The following KCTD16 variants were observed in gnomAD, a reference collection of about 807,000 sequenced individuals.
The protein encoded by KCTD16 is BTB/POZ domain-containing protein KCTD16.
A neutral mutation model predicts 33.2 loss-of-function variants in KCTD16; 13 were observed. The observed-to-expected ratio is 0.39, with a 90% CI of 0.25 to 0.62. The LOEUF is 0.62. Ranked by LOEUF, KCTD16 falls within the 20% of genes least tolerant of loss-of-function variation. The pLI is 0.50. For missense variants in KCTD16, 441 were observed against 525.1 expected, an observed-to-expected ratio of 0.84 and a Z score of 1.57; for synonymous variants, 197 against 195.3, an observed-to-expected ratio of 1.01 and a Z score of -0.07.
At chr5:144,224,208 C>T (rs1753853805) in intron 3 of KCTD16, among the ~76,000 whole-genome samples, 1 of 151,982 alleles carries the variant, frequency 6.6e-6, no homozygotes, top group African/African-American at 2.4e-5. Context: ...ATCCACTTTA[C>T]ATTTTTTTTT....
At chr5:144,231,889 T>A (rs1190104637) in intron 3 of KCTD16, among the ~76,000 whole-genome samples, 1 of 152,172 alleles carries the variant, frequency 6.6e-6, no homozygotes, top group African/African-American at 2.4e-5. Flanking sequence ...CTCAGATATA[T>A]CTTTATTAGC....
intron 3 of KCTD16, among the ~76,000 whole-genome samples, chr5:144,248,491 T>C (rs1754609909): frequency 6.6e-6 from 1 of 152,178 alleles, no homozygotes; most frequent in Non-Finnish European, 1.5e-5. Context: ...ATTTTGTCTC[T>C]AAGATGGGAG....
intron 3 of KCTD16, among the ~76,000 whole-genome samples, chr5:144,445,253 C>T (rs1446552463): frequency 1.3e-5 from 2 of 151,698 alleles, no homozygotes; most frequent in Non-Finnish European, 2.9e-5. Flanking sequence ...ATTATTTATC[C>T]TTTTACTTAT....
At chr5:144,250,625 A>G (rs1043073571) in intron 3 of KCTD16, among the ~76,000 whole-genome samples, 4 of 152,202 alleles carry the variant, frequency 2.6e-5, no homozygotes, top group Non-Finnish European at 5.9e-5. Context: ...GATTTAGAAT[A>G]GATGCAGCCT....
intron 3 of KCTD16, among the ~76,000 whole-genome samples, chr5:144,451,874 A>G (rs1753950479): frequency 6.6e-6 from 1 of 152,112 alleles, no homozygotes; most frequent in African/African-American, 2.4e-5. Flanking sequence ...ATCCTAATTC[A>G]TTAACTGTAA....
intron 3 of KCTD16, among the ~76,000 whole-genome samples, chr5:144,267,576 A>AT (rs1253522060): frequency 6.6e-6 from 1 of 151,938 alleles, no homozygotes; most frequent in African/African-American, 2.4e-5. Flanking sequence ...GGCTTTATCC[A>AT]TTTTTTTCTG....
At chr5:144,249,783 C>T (rs1754645425) in intron 3 of KCTD16, among the ~76,000 whole-genome samples, 1 of 152,144 alleles carries the variant, frequency 6.6e-6, no homozygotes, top group African/African-American at 2.4e-5. Flanking sequence ...AGATAACTTT[C>T]TCAAGGTTAC....
intron 3 of KCTD16, among the ~76,000 whole-genome samples, chr5:144,266,467 A>T (rs2074297465): frequency 6.6e-6 from 1 of 152,234 alleles, no homozygotes. Flanking sequence ...TTTGTTCACC[A>T]GAATTTGCAG....
chr5:144,424,260 G>A (rs896965966), intron 3 of KCTD16, among the ~76,000 whole-genome samples: 4 of 152,128 alleles, frequency 2.6e-5, no homozygotes, highest in Admixed American at 1.3e-4. Context: ...TAAGTGGCCG[G>A]TGAAACATAA....
intron 3 of KCTD16, among the ~76,000 whole-genome samples, chr5:144,227,652 G>T (rs948597305): frequency 1.3e-5 from 2 of 152,156 alleles, no homozygotes. Flanking sequence ...CTGCTATTTT[G>T]AGAACAGACT....
intron 3 of KCTD16, among the ~76,000 whole-genome samples, chr5:144,404,945 G>T (rs1419561185): frequency 6.6e-6 from 1 of 152,132 alleles, no homozygotes; most frequent in Non-Finnish European, 1.5e-5. Flanking sequence ...ATCTTGAAAG[G>T]AATTAAGACA....
chr5:144,228,956 A>G (rs747249037), intron 3 of KCTD16, among the ~76,000 whole-genome samples: 1 of 152,216 alleles, frequency 6.6e-6, no homozygotes, highest in Non-Finnish European at 1.5e-5. Context: ...AAGAGAGAAG[A>G]CCATATAAAA....
At chr5:144,273,253 A>G (rs546212876) in intron 3 of KCTD16, among the ~76,000 whole-genome samples, 102 of 152,318 alleles carry the variant, frequency 6.7e-4, no homozygotes, top group Admixed American at 1.2e-3. Flanking sequence ...AATACAAATG[A>G]AAACTACAAT....
At chr5:144,290,100 G>T (rs1286645923) in intron 3 of KCTD16, among the ~76,000 whole-genome samples, 2 of 152,090 alleles carry the variant, frequency 1.3e-5, no homozygotes, top group Non-Finnish European at 2.9e-5. Context: ...GGGCAACATG[G>T]TGAAACCTTG....
chr5:144,174,825 T>C (rs1752466842), intron 2 of KCTD16, among the ~76,000 whole-genome samples: 1 of 152,214 alleles, frequency 6.6e-6, no homozygotes, highest in South Asian at 2.1e-4. Context: ...CTTTTAAAGA[T>C]AACATATAAG....
rs1251217770 is a variant in KCTD16, at chr5:144,476,660, G to T, written c.*2546G>T. 6.6e-6 allele frequency: 1 copy of T among 152,034 alleles called. No individual in the cohort carries two copies. The highest frequency in any genetic ancestry group is 2.4e-5 in the African/African-American group (1 of 41,384). 9.4% of individuals were successfully genotyped at this position (152,034 alleles called of 1,614,324 possible). ...ATTTATTTGTGTGAGTGTTTATATAGAAATGAACATAGACCTGGCCAGTAA... is the reference window on the plus strand; with the variant it reads ...ATTTATTTGTGTGAGTGTTTATATATAAATGAACATAGACCTGGCCAGTAA... On this transcript the variant is annotated 3_prime_UTR_variant, in exon 4 of 4. Transcript: ENST00000512467.
At chr5:144,214,950 A>G (rs1156695562) in intron 3 of KCTD16, among the ~76,000 whole-genome samples, 2 of 152,178 alleles carry the variant, frequency 1.3e-5, no homozygotes, top group East Asian at 3.8e-4. Flanking sequence ...TTTAGAATGC[A>G]TTTTTAAAAG....
At chr5:144,423,820 G>A (rs922599115) in intron 3 of KCTD16, among the ~76,000 whole-genome samples, 18 of 152,026 alleles carry the variant, frequency 1.2e-4, no homozygotes, top group African/African-American at 3.6e-4. Context: ...CATTCCCTGG[G>A]AATTATGCTT....
chr5:144,179,570 G>C (rs1752575857), intron 2 of KCTD16, among the ~76,000 whole-genome samples: 1 of 152,110 alleles, frequency 6.6e-6, no homozygotes, highest in East Asian at 1.9e-4. Context: ...TGTACTATTT[G>C]GGAACAGGGA....
Sources: gnomAD v4.1 joint callset for allele counts (sites outside exome capture counted in the v4.1 genomes callset) on GRCh38, gnomAD v4.1.1 for gene constraint, MANE v1.5 for transcripts, NCBI Gene and HGNC (gene_info 2026-07-23, HGNC 2026-07-21) for gene names.